WDFY4: variants seen among roughly 807,000 people sequenced by gnomAD.
WDFY4 encodes WD repeat- and FYVE domain-containing protein 4.
In WDFY4, 169 loss-of-function variants were observed where a neutral mutation model predicts 351.9. The observed-to-expected ratio is 0.48, with a 90% CI of 0.42 to 0.55. The LOEUF (loss-of-function observed/expected upper bound fraction) is 0.55. Among genes scored for constraint, WDFY4 ranks in the 20% least tolerant of loss-of-function variants. WDFY4 has a pLI of 0.00. For synonymous variants in WDFY4, 1,622 were observed against 1,574.6 expected, an observed-to-expected ratio of 1.03 and a Z score of -0.71; for missense variants, 3,803 against 3,935.6, an observed-to-expected ratio of 0.97 and a Z score of 0.90.
At chr10:48,948,951 C>T (rs1413146862) in intron 51 of WDFY4, among the ~76,000 whole-genome samples, 1 of 152,236 alleles carries the variant, frequency 6.6e-6, no homozygotes, top group East Asian at 1.9e-4. Context: ...GATATCTGGG[C>T]TATGGCCACT....
At chr10:48,917,032 T>C (rs1838612597) in intron 47 of WDFY4, among the ~76,000 whole-genome samples, 1 of 152,188 alleles carries the variant, frequency 6.6e-6, no homozygotes, top group Admixed American at 6.5e-5. Context: ...ACACAAATAC[T>C]TACCCTTGTG....
chr10:48,757,221 A>G (rs1288096703), intron 12 of WDFY4, among the ~76,000 whole-genome samples: 1 of 152,096 alleles, frequency 6.6e-6, no homozygotes, highest in Non-Finnish European at 1.5e-5. Context: ...AATTACTGAG[A>G]GGAGTGTTGA....
intron 12 of WDFY4, chr10:48,745,618 A>G: frequency 1.8e-6 from 1 of 541,810 alleles, no homozygotes; most frequent in Non-Finnish European, 3.5e-6. Context: ...CTGCAGCCTT[A>G]TGAGCTATTT....
At chr10:48,831,459 A>G (rs1392709017) in intron 38 of WDFY4, among the ~76,000 whole-genome samples, 1 of 152,222 alleles carries the variant, frequency 6.6e-6, no homozygotes, top group Non-Finnish European at 1.5e-5. Context: ...CTCTCAACTT[A>G]CACCTCCTAT....
chr10:48,972,010 C>G (rs1272920798), intron 57 of WDFY4, among the ~76,000 whole-genome samples: 2 of 152,234 alleles, frequency 1.3e-5, no homozygotes, highest in Non-Finnish European at 2.9e-5. Context: ...CTATCATCCT[C>G]TGAGTTCCCA....
intron 11 of WDFY4, among the ~76,000 whole-genome samples, chr10:48,738,281 A>G (rs1428577284): frequency 6.6e-6 from 1 of 152,260 alleles, no homozygotes; most frequent in Non-Finnish European, 1.5e-5. Context: ...TCTGTAGCCC[A>G]GAGGCATCGT....
chr10:48,794,171 A>G lies in WDFY4; in HGVS notation c.4258-2127A>G, dbSNP rs558598655. ...TGGGCAATTGCAGGAAGGCCGGGACAGGGAAACGGACTGACAGAGGTGTTA... is the reference window on the plus strand; with the variant it reads ...TGGGCAATTGCAGGAAGGCCGGGACGGGGAAACGGACTGACAGAGGTGTTA... On this transcript the variant is annotated intron_variant, in intron 23 of 61. Transcript: ENST00000325239. 5.3e-5 allele frequency among the ~76,000 whole-genome samples: 8 copies of G among 152,280 alleles called. No individual in the cohort carries two copies. In the East Asian group the frequency reaches 1.5e-3, roughly 29 times the overall value.
At chr10:48,691,432 C>A (rs531695516) in intron 1 of WDFY4, among the ~76,000 whole-genome samples, 3 of 152,318 alleles carry the variant, frequency 2.0e-5, no homozygotes, top group East Asian at 1.9e-4. Context: ...CCCCTCTCTG[C>A]CTGACCATGC....
intron 55 of WDFY4, chr10:48,966,962 A>T: frequency 2.5e-6 from 1 of 407,098 alleles, no homozygotes; most frequent in African/African-American, 2.0e-5. Flanking sequence ...ACACACACAC[A>T]TCTCTCTTCC....
chr10:48,744,945 C>T (rs906235236), intron 12 of WDFY4, among the ~76,000 whole-genome samples: 1 of 152,204 alleles, frequency 6.6e-6, no homozygotes, highest in Non-Finnish European at 1.5e-5. Context: ...TCTGCTTCAG[C>T]ACTATTCACA....
chr10:48,937,275 A>G (rs1315465852), intron 47 of WDFY4, among the ~76,000 whole-genome samples: 2 of 152,096 alleles, frequency 1.3e-5, no homozygotes, highest in Admixed American at 1.3e-4. Context: ...ACTAATGCTC[A>G]TTTTTTACCA....
chr10:48,828,923 TGGGC>T (rs776466116), intron 37 of WDFY4, 27 bp downstream of exon 37: 3 of 5,036 alleles, frequency 6.0e-4, no homozygotes, highest in South Asian at 6.6e-3. Context: ...ATTGTGTGTG[TGGGC>T]GGGGGGGGGG....
chr10:48,894,457 C>A (rs1018754790), intron 44 of WDFY4, among the ~76,000 whole-genome samples: 13 of 152,308 alleles, frequency 8.5e-5, no homozygotes, highest in Admixed American at 7.2e-4. Context: ...GACCACATGA[C>A]CTTGGAAAAG....
chr10:48,786,615 C>T, intron 19 of WDFY4, 24 bp from the exon 20 acceptor site: 2 of 1,533,550 alleles, frequency 1.3e-6, no homozygotes, highest in Non-Finnish European at 1.8e-6. Context: ...ACACTACTCA[C>T]TCTTGTCCTT....
chr10:48,809,412 T>C (rs574075070), intron 28 of WDFY4, among the ~76,000 whole-genome samples: 1 of 149,846 alleles, frequency 6.7e-6, no homozygotes, highest in Admixed American at 6.6e-5. Flanking sequence ...ATCATCACCA[T>C]CATCACCACA....
chr10:48,931,213 A>G (rs748227705), intron 47 of WDFY4, among the ~76,000 whole-genome samples: 2 of 152,200 alleles, frequency 1.3e-5, no homozygotes, highest in Non-Finnish European at 2.9e-5. Flanking sequence ...GCAGTTGCAG[A>G]TAGAGGATAC....
At position 48,735,945 on chromosome 10, in the gene WDFY4, G is replaced by A; in HGVS notation, c.1753G>A (p.Glu585Lys). The change falls in exon 11 of 62, where the codon GAG becomes AAG. Residue 585 changes from glutamate (E) to lysine (K), a missense_variant. Physicochemically the swap from Glu to Lys is moderately conservative, Grantham distance 56. Coordinates refer to ENST00000325239, the MANE Select transcript of WDFY4 (RefSeq NM_001394531.1). ...KIFLDDECYREASLSILEQLS... is the reference protein window; with the variant it reads ...KIFLDDECYRKASLSILEQLS... Reference sequence around the variant, plus strand: ...CTTCCTGGATGACGAGTGCTACCGGGAGGCCTCGCTCAGCATCTTGGAGCA... The same window carrying A: ...CTTCCTGGATGACGAGTGCTACCGGAAGGCCTCGCTCAGCATCTTGGAGCA... The A allele has an allele frequency of 6.4e-7, 1 of 1,551,770 alleles. No homozygotes were observed. The highest frequency in any genetic ancestry group is 1.2e-5 in the South Asian group (1 of 84,062).
intron 1 of WDFY4, among the ~76,000 whole-genome samples, chr10:48,692,901 G>C (rs541450987): frequency 1.4e-4 from 22 of 152,304 alleles, no homozygotes; most frequent in African/African-American, 5.3e-4. Context: ...CCTTCTAATG[G>C]CAGGATGGCC....
chr10:48,730,070 C>G (rs1392137158), intron 8 of WDFY4, among the ~76,000 whole-genome samples: 2 of 152,214 alleles, frequency 1.3e-5, no homozygotes, highest in Non-Finnish European at 2.9e-5. Context: ...GTCCTTGAAC[C>G]CTAGTCTGCT....
Sources: allele counts gnomAD v4.1 joint callset (sites outside exome capture counted in the v4.1 genomes callset), GRCh38; gene constraint gnomAD v4.1.1; transcripts MANE v1.5; gene names NCBI Gene and HGNC (gene_info 2026-07-23, HGNC 2026-07-21).